Variants in LNX2 observed in about 807,000 individuals in gnomAD.
The protein encoded by LNX2 is ligand of numb-protein X 2.
A neutral mutation model predicts 66.2 loss-of-function variants in LNX2; 35 were observed. The observed-to-expected ratio is 0.53, with a 90% CI of 0.40 to 0.70. The LOEUF is 0.70. LNX2 is among the 30% of genes least tolerant of loss of function. LNX2 has a pLI of 0.00. For missense variants in LNX2, 791 were observed against 850.8 expected (o/e 0.93, Z 0.87); for synonymous variants, 337 against 315.6 (o/e 1.07, Z -0.72).
intron 1 of LNX2, among the ~76,000 whole-genome samples, chr13:27,617,282 G>A (rs964302513): frequency 1.3e-5 from 2 of 152,126 alleles, no homozygotes; most frequent in East Asian, 3.9e-4. Flanking sequence ...CTACATGCAA[G>A]ATACATATGT....
chr13:27,592,903 G>A (rs995621188), intron 1 of LNX2, among the ~76,000 whole-genome samples: 2 of 152,228 alleles, frequency 1.3e-5, no homozygotes, highest in African/African-American at 4.8e-5. Flanking sequence ...TGAATTCATT[G>A]GTGACCTTGA....
intron 1 of LNX2, among the ~76,000 whole-genome samples, chr13:27,583,218 G>GTGCGCGCGCGTCCTCTCCTATATAACTT (rs1593252754): frequency 2.7e-4 from 5 of 18,490 alleles, no homozygotes; most frequent in African/African-American, 7.0e-4. Context: ...GTGTGTGTGT[G>GTGCGCGCGCGTCCTCTCCTATATAACTT]TGTGTGTGTG....
chr13:27,568,787 G>A (rs1335719274), intron 3 of LNX2, among the ~76,000 whole-genome samples: 6 of 152,126 alleles, frequency 3.9e-5, no homozygotes, highest in South Asian at 2.1e-4. Context: ...GAAAAGGGAT[G>A]GGTTAGGACC....
At chr13:27,554,325 T>C (rs2138320151) in intron 7 of LNX2, among the ~76,000 whole-genome samples, 1 of 152,346 alleles carries the variant, frequency 6.6e-6, no homozygotes, top group South Asian at 2.1e-4. Flanking sequence ...TTTATGGTTT[T>C]AATATATTCA....
intron 1 of LNX2, among the ~76,000 whole-genome samples, 200 bp from the exon 2 acceptor site, chr13:27,582,003 T>A (rs1172590368): frequency 6.6e-6 from 1 of 152,176 alleles, no homozygotes; most frequent in Non-Finnish European, 1.5e-5. Flanking sequence ...TTTTTTATTA[T>A]AAGTTTTAAT....
At chr13:27,617,503 A>T (rs1372903882) in intron 1 of LNX2, among the ~76,000 whole-genome samples, 2 of 152,218 alleles carry the variant, frequency 1.3e-5, no homozygotes, top group African/African-American at 2.4e-5. Context: ...AGAAGAGGGG[A>T]AGAAGGCCAA....
intron 1 of LNX2, among the ~76,000 whole-genome samples, chr13:27,597,950 CA>C (rs1289471216): frequency 6.6e-6 from 1 of 151,954 alleles, no homozygotes; most frequent in African/African-American, 2.4e-5. Flanking sequence ...CTGGTATCTC[CA>C]AAAAGCCAAA....
At position 27,581,428 on chromosome 13, in the gene LNX2, A is replaced by G. The variant is rs1435039050; in HGVS notation, c.276T>C (p.His92=). 1.2e-6 allele frequency: 2 copies of G among 1,609,688 alleles called. No individual in the cohort carries two copies. Among genetic ancestry groups the G allele is most frequent in the Non-Finnish European group, 1.7e-6 (2 of 1,176,804 alleles). The part of the protein sequence containing the change: ...DFCPLDRKRL[H]FKLCKKSSIL... ...TACTAGACTTCTTGCACAACTTAAA[A>G]TGAAGTCTTTTCCGGTCCAACGGAC... The change falls in exon 2 of 10, where the codon CAT becomes CAC. Residue 92 remains histidine (H), a synonymous_variant. Coordinates refer to ENST00000316334, the MANE Select transcript of LNX2 (RefSeq NM_153371.4).
intron 4 of LNX2, among the ~76,000 whole-genome samples, chr13:27,564,283 A>G (rs1463781493): frequency 6.6e-6 from 1 of 152,214 alleles, no homozygotes; most frequent in Non-Finnish European, 1.5e-5. Context: ...ATTCAGAGAA[A>G]GCAGAAACCA....
At chr13:27,557,108 T>A (rs894238171) in intron 6 of LNX2, among the ~76,000 whole-genome samples, 4 of 152,198 alleles carry the variant, frequency 2.6e-5, no homozygotes, top group Non-Finnish European at 4.4e-5. Context: ...AAACATCACT[T>A]TTCTTTTGAA....
At chr13:27,614,439 A>C (rs1955805978) in intron 1 of LNX2, among the ~76,000 whole-genome samples, 2 of 146,242 alleles carry the variant, frequency 1.4e-5, no homozygotes, top group Admixed American at 6.9e-5. Flanking sequence ...CACCCCCATG[A>C]TTGTGCCCCC....
rs140841772 is a variant in LNX2 at position 27,548,669 on chromosome 13, C to T, written c.1938-199G>A. Among the ~76,000 whole-genome samples the T allele has an allele frequency of 9.1e-4, 139 of 152,228 alleles. 2 individuals are homozygous for T. In the East Asian group the frequency reaches 0.025, roughly 27 times the overall value. ...TTGCCAATCAAGGAAACCCCTGTGC[C>T]GATGACTCCATAACCAGTAGGTGAA... On this transcript the variant is annotated intron_variant, in intron 9 of 9. Coordinates refer to ENST00000316334, the MANE Select transcript of LNX2 (RefSeq NM_153371.4).
intron 1 of LNX2, among the ~76,000 whole-genome samples, chr13:27,609,786 T>G (rs913403195): frequency 6.6e-6 from 1 of 152,210 alleles, no homozygotes; most frequent in Non-Finnish European, 1.5e-5. Context: ...ATAGGTACTA[T>G]ACCATTGAAA....
chr13:27,561,546 G>A (rs1307194681), intron 5 of LNX2, among the ~76,000 whole-genome samples: 1 of 152,204 alleles, frequency 6.6e-6, no homozygotes, highest in African/African-American at 2.4e-5. Flanking sequence ...ACCAATATCA[G>A]AATCTCCTCT....
In LNX2 at chr13:27,554,463, T is replaced by A. The variant is rs149096664; in HGVS notation, c.1547-1024A>T. Among the ~76,000 whole-genome samples, 422 of 152,356 alleles carry A rather than the reference T, an allele frequency of 2.8e-3. 1 individual carries two copies. The highest frequency in any genetic ancestry group is 9.6e-3 in the African/African-American group (401 of 41,590). On this transcript the variant is annotated intron_variant, in intron 7 of 9. Coordinates refer to ENST00000316334, the MANE Select transcript of LNX2 (RefSeq NM_153371.4). ...TCTGTCTCTACAGATTTGCCTCTTC[T>A]GAACATTTCATGTAAATGGAATCAT...
At chr13:27,569,000 A>C in intron 3 of LNX2, 29 bp downstream of exon 3, 1 of 1,569,462 alleles carries the variant, frequency 6.4e-7, no homozygotes, top group Admixed American at 2.0e-5. Context: ...AATAGAGATG[A>C]AATACACAAG....
At chr13:27,585,953 C>T (rs181152558) in intron 1 of LNX2, among the ~76,000 whole-genome samples, 43 of 146,778 alleles carry the variant, frequency 2.9e-4, no homozygotes, top group Admixed American at 1.2e-3. Flanking sequence ...TTAGTAACAG[C>T]GGTCTATCTC....
At chr13:27,563,992 A>G (rs1955173166) in intron 4 of LNX2, among the ~76,000 whole-genome samples, 1 of 152,238 alleles carries the variant, frequency 6.6e-6, no homozygotes, top group African/African-American at 2.4e-5. Context: ...AAGTTCTATT[A>G]TATTTAGAAA....
chr13:27,556,481 AAACTAAGGTAATAACTT>A, intron 6 of LNX2, 68 bp from the exon 7 acceptor site: 10 of 1,286,548 alleles, frequency 7.8e-6, no homozygotes, highest in African/African-American at 1.5e-5. Flanking sequence ...TTATTACTTC[AAACTAAGGTAATAACTT>A]ACATGGCATT....
Sources: allele counts gnomAD v4.1 joint callset (sites outside exome capture counted in the v4.1 genomes callset), GRCh38; gene constraint gnomAD v4.1.1; transcripts MANE v1.5; gene names NCBI Gene and HGNC (gene_info 2026-07-23, HGNC 2026-07-21).